Variants in LIMCH1 observed in about 807,000 individuals in gnomAD.
LIMCH1 encodes LIM and calponin homology domains-containing protein 1.
In LIMCH1, 113 loss-of-function variants were observed where a neutral mutation model predicts 176.5. That is an observed-to-expected ratio of 0.64 (90% CI 0.55 to 0.75). The LOEUF (loss-of-function observed/expected upper bound fraction) is 0.75, where lower values mean the gene tolerates loss of function less well. LIMCH1 is among the 30% of genes least tolerant of loss of function. The probability of loss-of-function intolerance (pLI) is 0.00; values close to 1 mark genes in which losing one functional copy is unlikely to be tolerated. For synonymous variants in LIMCH1, 619 were observed against 645.9 expected (o/e 0.96, Z 0.63); for missense variants, 1,674 against 1,814.9 (o/e 0.92, Z 1.41).
At chr4:41,569,499 G>T (rs1394623578) in intron 1 of LIMCH1, among the ~76,000 whole-genome samples, 1 of 152,190 alleles carries the variant, frequency 6.6e-6, no homozygotes, top group Non-Finnish European at 1.5e-5. Context: ...TATGCTAAGG[G>T]AGCTTCCTCT....
chr4:41,612,646 G>A, intron 4 of LIMCH1: 1 of 702,544 alleles, frequency 1.4e-6, no homozygotes, highest in South Asian at 1.5e-5. Flanking sequence ...TGGAGTTTCA[G>A]TGTTTTAGTA....
At chr4:41,611,159 G>A (rs2091367225) in intron 4 of LIMCH1, among the ~76,000 whole-genome samples, 1 of 152,168 alleles carries the variant, frequency 6.6e-6, no homozygotes, top group Non-Finnish European at 1.5e-5. Context: ...CTATGTTTAG[G>A]TATGTGTAGA....
intron 1 of LIMCH1, among the ~76,000 whole-genome samples, chr4:41,407,585 T>C (rs1484882222): frequency 6.6e-6 from 1 of 152,196 alleles, no homozygotes; most frequent in Non-Finnish European, 1.5e-5. Flanking sequence ...TCCGTGTCCA[T>C]AGGTGAGGAG....
At chr4:41,596,267 T>C (rs529181047) in intron 1 of LIMCH1, among the ~76,000 whole-genome samples, 1 of 151,500 alleles carries the variant, frequency 6.6e-6, no homozygotes, top group African/African-American at 2.5e-5. Context: ...AACATCCACA[T>C]GTACTTCTTC....
chr4:41,550,138 C>A (rs943545754), intron 1 of LIMCH1, among the ~76,000 whole-genome samples: 1 of 151,750 alleles, frequency 6.6e-6, no homozygotes, highest in Admixed American at 6.6e-5. Flanking sequence ...GCTGCCATTT[C>A]TTATGCCCAC....
chr4:41,650,365 T>C (rs1466434253), intron 17 of LIMCH1, 28 bp from the exon 18 acceptor site: 4 of 1,543,412 alleles, frequency 2.6e-6, no homozygotes, highest in African/African-American at 1.4e-5. Flanking sequence ...ATATATAGCA[T>C]GTTTTTTGTT....
intron 2 of LIMCH1, among the ~76,000 whole-genome samples, chr4:41,601,623 A>G (rs1443140425): frequency 6.6e-6 from 1 of 152,246 alleles, no homozygotes; most frequent in Admixed American, 6.5e-5. Flanking sequence ...CAGAATCATT[A>G]TAGAGAAAAA....
chr4:41,536,867 A>C (rs1182675356), upstream of LIMCH1, among the ~76,000 whole-genome samples: 2 of 152,208 alleles, frequency 1.3e-5, no homozygotes, highest in African/African-American at 4.8e-5. Context: ...AAACTAATGA[A>C]ATCCAAATAA....
Position 41,626,801 on chromosome 4 carries a change from A to G in LIMCH1, c.819A>G (p.Ser273=), listed in dbSNP as rs74459605. 0.016 allele frequency: 24,174 copies of G among 1,536,410 alleles called. 338 individuals carry two copies. Among genetic ancestry groups the G allele is most frequent in the East Asian group, 0.074 (3,040 of 40,908 alleles). Residue 273 remains serine, a synonymous_variant, in exon 8 of 32, where the codon TCA becomes TCG. Transcript: ENST00000503057. ...TGACCCACCAACATGGCAACGATTC[A>G]GAGGCAGAAGGTGAAGTTGTGTGTC... ...SFLTHQHGND[S]EAEGEVVCRL... is the part of the protein sequence containing the mutation.
At chr4:41,391,414 G>A (rs1229487727) in intron 1 of LIMCH1, among the ~76,000 whole-genome samples, 3 of 152,128 alleles carry the variant, frequency 2.0e-5, no homozygotes, top group Non-Finnish European at 4.4e-5. Context: ...AGGTTCTAAC[G>A]TCAGCACATA....
chr4:41,695,982 G>A (rs1730366504), intron 31 of LIMCH1, among the ~76,000 whole-genome samples: 1 of 152,096 alleles, frequency 6.6e-6, no homozygotes, highest in South Asian at 2.1e-4. Flanking sequence ...GAGAAGAGTG[G>A]AGATGGATAG....
chr4:41,661,816 G>A (rs113749170), intron 19 of LIMCH1: 1 of 388,418 alleles, frequency 2.6e-6, no homozygotes, highest in Non-Finnish European at 4.7e-6. Context: ...TAAAAATTGA[G>A]GGTAGGATTT....
chr4:41,429,801 G>A (rs960866781), intron 1 of LIMCH1, among the ~76,000 whole-genome samples: 2 of 152,190 alleles, frequency 1.3e-5, no homozygotes, highest in Non-Finnish European at 2.9e-5. Flanking sequence ...TCCATGGAGG[G>A]CTGGCCTTCA....
At chr4:41,603,516 G>A (rs570611040) in intron 2 of LIMCH1, among the ~76,000 whole-genome samples, 2 of 152,256 alleles carry the variant, frequency 1.3e-5, no homozygotes, top group East Asian at 1.9e-4. Flanking sequence ...AAGTGCAGTC[G>A]GATTTCAGTT....
intron 2 of LIMCH1, among the ~76,000 whole-genome samples, chr4:41,601,980 T>C (rs921523112): frequency 5.3e-5 from 8 of 151,988 alleles, no homozygotes; most frequent in Non-Finnish European, 1.0e-4. Context: ...TAGGGATAGA[T>C]CCCACAGAAG....
At position 41,629,753 on chromosome 4, in the gene LIMCH1, C is replaced by T; in HGVS notation, c.1271+19C>T. ...AGGCGAGGTGTGTCATGTTTCCCCC[C>T]CAGTTTCCCCCTGGCAGTCATGGTA... On this transcript the variant is annotated intron_variant, in intron 9 of 31. Transcript: ENST00000503057. The T allele has an allele frequency of 3.3e-6, 5 of 1,524,822 alleles. No homozygotes were observed. The highest frequency in any genetic ancestry group is 3.5e-6 in the Non-Finnish European group (4 of 1,139,746). 94.5% of individuals were successfully genotyped at this position (1,524,822 alleles called of 1,614,324 possible).
intron 2 of LIMCH1, among the ~76,000 whole-genome samples, chr4:41,519,960 C>G (rs1308332780): frequency 1.3e-5 from 2 of 152,182 alleles, no homozygotes; most frequent in African/African-American, 4.8e-5. Context: ...GCCTCTTCCT[C>G]TTCATCAAGC....
intron 14 of LIMCH1, among the ~76,000 whole-genome samples, chr4:41,642,145 G>T (rs1380876296): frequency 3.9e-5 from 6 of 152,138 alleles, no homozygotes; most frequent in Non-Finnish European, 8.8e-5. Flanking sequence ...TATTATAGAT[G>T]GCAGAGTTGA....
intron 2 of LIMCH1, chr4:41,524,374 A>G (rs1561629139): frequency 1.1e-5 from 17 of 1,546,738 alleles, no homozygotes; most frequent in Non-Finnish European, 1.5e-5. Flanking sequence ...ATCTTGCTTT[A>G]TGTCTCACTT....
Sources: allele counts gnomAD v4.1 joint callset (sites outside exome capture counted in the v4.1 genomes callset), GRCh38; gene constraint gnomAD v4.1.1; transcripts MANE v1.5; gene names NCBI Gene and HGNC (gene_info 2026-07-23, HGNC 2026-07-21).